The following SPAG16 variants were observed in gnomAD, a reference collection of about 807,000 sequenced individuals.
SPAG16 encodes the protein sperm associated antigen 16, also known as sperm-associated antigen 16 protein.
A neutral mutation model predicts 80.4 loss-of-function variants in SPAG16; 86 were observed. The ratio of observed to expected loss-of-function variants is 1.07; its 90% CI spans 0.90 to 1.28. SPAG16 has a LOEUF of 1.28. SPAG16 is among the 50% of genes most tolerant of loss of function. The pLI, the probability that SPAG16 is intolerant of heterozygous loss-of-function variation, is 0.00. For missense variants in SPAG16, 870 were observed against 765.3 expected (o/e 1.14, Z -1.61); for synonymous variants, 294 against 265.9 (o/e 1.11, Z -1.03).
chr2:214,167,572 A>G (rs1200719983), intron 15 of SPAG16, among the ~76,000 whole-genome samples: 1 of 152,124 alleles, frequency 6.6e-6, no homozygotes, highest in African/African-American at 2.4e-5. Context: ...TTCTCAAAAC[A>G]CAGTAACATT....
intron 15 of SPAG16, among the ~76,000 whole-genome samples, chr2:214,315,506 TTTATTTATTTA>T (rs1695620930): frequency 3.6e-5 from 1 of 27,526 alleles, no homozygotes. Context: ...ATCTTTTTTA[TTTATTTATTTA>T]TTTATTTATT....
chr2:214,292,832 T>G (rs1336226458), intron 15 of SPAG16, among the ~76,000 whole-genome samples: 2 of 152,332 alleles, frequency 1.3e-5, no homozygotes, highest in African/African-American at 2.4e-5. Flanking sequence ...AAGATTTATA[T>G]ATGTTGTTGG....
chr2:213,506,760 T>C (rs1311472524), intron 10 of SPAG16, among the ~76,000 whole-genome samples: 5 of 152,202 alleles, frequency 3.3e-5, no homozygotes, highest in Non-Finnish European at 7.3e-5. Context: ...ATTATTGGAT[T>C]AATTAATTAA....
intron 10 of SPAG16, among the ~76,000 whole-genome samples, chr2:213,748,829 C>T (rs1320929404): frequency 2.0e-5 from 3 of 152,050 alleles, no homozygotes; most frequent in Admixed American, 2.0e-4. Flanking sequence ...AAAATACTTT[C>T]ATTTGCCTCA....
At chr2:213,974,944 T>A in intron 12 of SPAG16, among the ~76,000 whole-genome samples, 1 of 125,488 alleles carries the variant, frequency 8.0e-6, no homozygotes, top group Non-Finnish European at 1.6e-5. Context: ...AAGTAAGATG[T>A]CGTTAAAAAA....
chr2:213,693,682 G>A (rs2065039024), intron 10 of SPAG16, among the ~76,000 whole-genome samples: 1 of 152,160 alleles, frequency 6.6e-6, no homozygotes, highest in Non-Finnish European at 1.5e-5. Context: ...GGGCCAAGTT[G>A]CCTCTGTGGA....
At chr2:214,008,213 C>T (rs184848897) in intron 12 of SPAG16, among the ~76,000 whole-genome samples, 3 of 152,138 alleles carry the variant, frequency 2.0e-5, no homozygotes, top group East Asian at 3.9e-4. Flanking sequence ...CTTACATAGA[C>T]CTCTTTTTTT....
chr2:213,812,313 A>G (rs1204272032), intron 10 of SPAG16, among the ~76,000 whole-genome samples: 3 of 152,318 alleles, frequency 2.0e-5, no homozygotes, highest in East Asian at 3.9e-4. Context: ...CCTATATTAT[A>G]CTGAATTGCT....
At chr2:214,079,540 A>C (rs2051256762) in intron 13 of SPAG16, among the ~76,000 whole-genome samples, 2 of 152,222 alleles carry the variant, frequency 1.3e-5, no homozygotes, top group South Asian at 4.1e-4. Flanking sequence ...TAATGCAAAA[A>C]CTTAATCATC....
intron 15 of SPAG16, among the ~76,000 whole-genome samples, chr2:214,373,863 T>C (rs1699963521): frequency 6.6e-6 from 1 of 152,220 alleles, no homozygotes; most frequent in African/African-American, 2.4e-5. Flanking sequence ...AGAATGTGAA[T>C]GATTCCTTCA....
chr2:213,826,722 G>A (rs1401088821), intron 10 of SPAG16, among the ~76,000 whole-genome samples: 1 of 151,924 alleles, frequency 6.6e-6, no homozygotes, highest in African/African-American at 2.4e-5. Context: ...TGCAGCTGTT[G>A]CATGAAAAGT....
At chr2:213,728,384 AT>A (rs1190665369) in intron 10 of SPAG16, among the ~76,000 whole-genome samples, 2 of 152,088 alleles carry the variant, frequency 1.3e-5, no homozygotes, top group African/African-American at 4.8e-5. Context: ...AGCAGTGGTT[AT>A]TATTTTCACC....
chr2:213,646,838 G>A (rs1397198839), intron 10 of SPAG16, among the ~76,000 whole-genome samples: 2 of 152,134 alleles, frequency 1.3e-5, no homozygotes, highest in Non-Finnish European at 2.9e-5. Flanking sequence ...CACATCTGTA[G>A]AATCAAATCA....
intron 14 of SPAG16, among the ~76,000 whole-genome samples, chr2:214,143,999 A>C (rs1483946359): frequency 6.6e-6 from 1 of 152,112 alleles, no homozygotes; most frequent in Non-Finnish European, 1.5e-5. Context: ...CTATAAAAAA[A>C]ATTTAAAAAT....
chr2:213,603,357 A>G (rs1319708949), intron 10 of SPAG16, among the ~76,000 whole-genome samples: 3 of 152,226 alleles, frequency 2.0e-5, no homozygotes, highest in Non-Finnish European at 2.9e-5. Context: ...TCTGATGCTT[A>G]TACGCATTTT....
chr2:213,397,347 C>T (rs1481999271), intron 9 of SPAG16, among the ~76,000 whole-genome samples: 3 of 152,126 alleles, frequency 2.0e-5, no homozygotes, highest in Non-Finnish European at 4.4e-5. Flanking sequence ...AGCATAGGTC[C>T]TGAAAGTCAG....
chr2:213,932,405 G>A (rs539828202), intron 12 of SPAG16, among the ~76,000 whole-genome samples: 14 of 151,676 alleles, frequency 9.2e-5, no homozygotes, highest in Non-Finnish European at 1.6e-4. Flanking sequence ...TAGTAGAGAC[G>A]GGGTTTCACC....
chr2:214,194,060 C>G (rs923767749), intron 15 of SPAG16, among the ~76,000 whole-genome samples: 1 of 152,030 alleles, frequency 6.6e-6, no homozygotes, highest in Admixed American at 6.6e-5. Flanking sequence ...TCAGAAAATG[C>G]TAAACATGAC....
chr2:213,798,225 C>A (rs986333003), intron 10 of SPAG16, among the ~76,000 whole-genome samples: 14 of 152,018 alleles, frequency 9.2e-5, no homozygotes, highest in Admixed American at 1.3e-4. Flanking sequence ...TTATGACTTG[C>A]AAATATTTTC....
Sources: gnomAD v4.1 joint callset for allele counts (sites outside exome capture counted in the v4.1 genomes callset) on GRCh38, gnomAD v4.1.1 for gene constraint, MANE v1.5 for transcripts, NCBI Gene and HGNC (gene_info 2026-07-23, HGNC 2026-07-21) for gene names.